DDR2: variants seen among roughly 807,000 people sequenced by gnomAD.
The protein encoded by DDR2 is discoidin domain receptor tyrosine kinase 2, also known as discoidin domain-containing receptor 2.
In DDR2, 27 loss-of-function variants were observed where a neutral mutation model predicts 94.9. That is an observed-to-expected ratio of 0.28 (90% CI 0.21 to 0.39). DDR2 has a LOEUF of 0.39. Among genes scored for constraint, DDR2 ranks in the 10% least tolerant of loss-of-function variants. DDR2 has a pLI of 1.00. For missense variants in DDR2, 783 were observed against 1,076.0 expected (o/e 0.73, Z 3.81); for synonymous variants, 382 against 377.2 (o/e 1.01, Z -0.15).
chr1:162,648,149 C>T (rs747130016), intron 1 of DDR2, among the ~76,000 whole-genome samples: 2 of 151,588 alleles, frequency 1.3e-5, no homozygotes, highest in African/African-American at 2.4e-5. Context: ...TAGAAAATTC[C>T]GGGAGCAGTA....
intron 1 of DDR2, among the ~76,000 whole-genome samples, chr1:162,650,259 TC>T (rs1657618227): frequency 6.8e-6 from 1 of 147,624 alleles, no homozygotes; most frequent in African/African-American, 2.5e-5. Context: ...ACTCACAATC[TC>T]CCCTTACAAA....
At chr1:162,701,207 G>T (rs1660414779) in intron 2 of DDR2, among the ~76,000 whole-genome samples, 3 of 152,184 alleles carry the variant, frequency 2.0e-5, no homozygotes, top group Non-Finnish European at 2.9e-5. Flanking sequence ...CAACTCCCTT[G>T]GAAAAGTGAT....
At chr1:162,708,339 T>G (rs1660749218) in intron 2 of DDR2, among the ~76,000 whole-genome samples, 1 of 152,202 alleles carries the variant, frequency 6.6e-6, no homozygotes, top group African/African-American at 2.4e-5. Context: ...GATTGATGTC[T>G]CAGTGATGCT....
At chr1:162,692,343 A>G (rs1035725799) in intron 2 of DDR2, among the ~76,000 whole-genome samples, 1 of 152,254 alleles carries the variant, frequency 6.6e-6, no homozygotes, top group Non-Finnish European at 1.5e-5. Flanking sequence ...TGAAGAATTT[A>G]TGTTTATCAA....
intron 14 of DDR2, 140 bp downstream of exon 14, chr1:162,773,736 T>C (rs1447610917): frequency 1.7e-6 from 2 of 1,178,464 alleles, no homozygotes; most frequent in African/African-American, 1.5e-5. Flanking sequence ...TTATCCTTTT[T>C]CTTATTCCGA....
intron 3 of DDR2, among the ~76,000 whole-genome samples, chr1:162,738,141 C>T (rs1267539391): frequency 2.1e-5 from 3 of 139,614 alleles, no homozygotes; most frequent in Non-Finnish European, 4.6e-5. Context: ...AAAGGGTATT[C>T]AATTAGGAAA....
In DDR2 at chr1:162,765,986, C is replaced by T. The variant is rs986191704; in HGVS notation, c.1100-15C>T. ...GTCTTCTCCCTGGCTCTGACTCACCCTTGTTTTATAACAGATGCTGCAATG... is the reference window on the plus strand; with the variant it reads ...GTCTTCTCCCTGGCTCTGACTCACCTTTGTTTTATAACAGATGCTGCAATG... On this transcript the variant is annotated splice_polypyrimidine_tract_variant and intron_variant, in intron 9 of 17. Coordinates refer to ENST00000367921, the MANE Select transcript of DDR2 (RefSeq NM_006182.4). 2 of 1,613,778 alleles carry T rather than the reference C, an allele frequency of 1.2e-6. No individual in the cohort carries two copies. The highest frequency in any genetic ancestry group is 1.1e-5 in the South Asian group (1 of 91,066).
chr1:162,641,807 A>C (rs1286066692), intron 1 of DDR2, among the ~76,000 whole-genome samples: 1 of 152,222 alleles, frequency 6.6e-6, no homozygotes, highest in African/African-American at 2.4e-5. Context: ...ACTGGACTTA[A>C]ATTTTAATTC....
intron 2 of DDR2, among the ~76,000 whole-genome samples, chr1:162,706,997 T>A (rs1276165780): frequency 6.6e-6 from 1 of 152,120 alleles, no homozygotes; most frequent in Non-Finnish European, 1.5e-5. Context: ...AGGGACTGAC[T>A]TGTTTGGAGG....
intron 1 of DDR2, among the ~76,000 whole-genome samples, chr1:162,647,629 C>G (rs759013089): frequency 6.6e-6 from 1 of 152,156 alleles, no homozygotes; most frequent in Non-Finnish European, 1.5e-5. Flanking sequence ...GGAAAAGGGG[C>G]AGGGATTTCC....
intron 3 of DDR2, among the ~76,000 whole-genome samples, chr1:162,733,157 T>G (rs1662140387): frequency 6.6e-6 from 1 of 152,240 alleles, no homozygotes; most frequent in African/African-American, 2.4e-5. Flanking sequence ...TCCCAGCTTT[T>G]TCATGCTTCT....
intron 2 of DDR2, among the ~76,000 whole-genome samples, chr1:162,692,316 C>G (rs1012166167): frequency 6.6e-6 from 1 of 152,146 alleles, no homozygotes; most frequent in Non-Finnish European, 1.5e-5. Flanking sequence ...AGATTGATCA[C>G]GTGAATTCCA....
chr1:162,648,195 C>T (rs1417376628), intron 1 of DDR2, among the ~76,000 whole-genome samples: 1 of 151,922 alleles, frequency 6.6e-6, no homozygotes, highest in African/African-American at 2.4e-5. Context: ...GCTAGTTGCT[C>T]AGAATCTGCA....
intron 2 of DDR2, among the ~76,000 whole-genome samples, chr1:162,672,523 A>T (rs1271772106): frequency 6.6e-6 from 1 of 152,206 alleles, no homozygotes; most frequent in African/African-American, 2.4e-5. Flanking sequence ...TAAAGACTAT[A>T]TGTTATATAT....
intron 3 of DDR2, among the ~76,000 whole-genome samples, chr1:162,750,320 A>G (rs1453708287): frequency 6.6e-6 from 1 of 152,178 alleles, no homozygotes. Flanking sequence ...TCAATGTGCA[A>G]AAAATCACAA....
Position 162,654,282 on chromosome 1 carries a change from CA to C in DDR2, c.-191-923del, listed in dbSNP as rs372289674. Among the ~76,000 whole-genome samples, 74 of 152,020 alleles carry C rather than the reference CA, an allele frequency of 4.9e-4. 1 individual carries two copies. In the East Asian group the frequency reaches 0.011, roughly 22 times the overall value. ...GCAACATAGCAAGACCTGGTCTCTACAAAAAATACAAAAATTAGCTGGGCAT... is the reference window on the plus strand; with the variant it reads ...GCAACATAGCAAGACCTGGTCTCTACAAAAATACAAAAATTAGCTGGGCAT... On this transcript the variant is annotated intron_variant, in intron 1 of 17. Coordinates refer to ENST00000367921, the MANE Select transcript of DDR2 (RefSeq NM_006182.4).
At chr1:162,742,314 G>A (rs1662653443) in intron 3 of DDR2, among the ~76,000 whole-genome samples, 1 of 152,122 alleles carries the variant, frequency 6.6e-6, no homozygotes, top group Non-Finnish European at 1.5e-5. Flanking sequence ...AAGAAAAGAG[G>A]CTTAATTAGC....
intron 2 of DDR2, among the ~76,000 whole-genome samples, chr1:162,712,388 C>G (rs1411898733): frequency 6.6e-6 from 1 of 151,730 alleles, no homozygotes; most frequent in Non-Finnish European, 1.5e-5. Flanking sequence ...CTTTTAGAAG[C>G]TCACCCAAGT....
At chr1:162,764,793 C>T (rs1663914390) in intron 9 of DDR2, among the ~76,000 whole-genome samples, 1 of 149,532 alleles carries the variant, frequency 6.7e-6, no homozygotes, top group African/African-American at 2.5e-5. Context: ...CACCACTGCA[C>T]TCCAGCCTGG....
Sources: allele counts gnomAD v4.1 joint callset (sites outside exome capture counted in the v4.1 genomes callset), GRCh38; gene constraint gnomAD v4.1.1; transcripts MANE v1.5; gene names NCBI Gene and HGNC (gene_info 2026-07-23, HGNC 2026-07-21).